PDLIM7: variants seen among roughly 807,000 people sequenced by gnomAD.
PDLIM7 encodes the protein PDZ and LIM domain 7.
Under a neutral mutation model 53.9 loss-of-function variants are expected in PDLIM7, and 37 were observed. That is an observed-to-expected ratio of 0.69 (90% CI 0.53 to 0.90). The LOEUF (loss-of-function observed/expected upper bound fraction) is 0.90. Ranked by LOEUF, PDLIM7 falls within the 40% of genes least tolerant of loss-of-function variation. PDLIM7 has a pLI of 0.00. For synonymous variants in PDLIM7, 300 were observed against 261.3 expected, an observed-to-expected ratio of 1.15 and a Z score of -1.43; for missense variants, 617 against 638.5, an observed-to-expected ratio of 0.97 and a Z score of 0.36.
chr5:177,494,299 G>A (rs772261980), intron 2 of PDLIM7, among the ~76,000 whole-genome samples: 9 of 152,170 alleles, frequency 5.9e-5, no homozygotes, highest in Non-Finnish European at 1.3e-4. Context: ...GCTGAGCATG[G>A]GGGCCCAACT....
At chr5:177,491,280 C>T in intron 5 of PDLIM7, 134 bp from the exon 6 acceptor site, 1 of 1,440,414 alleles carries the variant, frequency 6.9e-7, no homozygotes, top group Non-Finnish European at 9.5e-7. Flanking sequence ...AGGAGCCCTG[C>T]TGGGCGGGTA....
At chr5:177,493,537 A>G (rs1394063696) in intron 2 of PDLIM7, among the ~76,000 whole-genome samples, 2 of 152,196 alleles carry the variant, frequency 1.3e-5, no homozygotes, top group Non-Finnish European at 2.9e-5. Flanking sequence ...AGCGGGTGAG[A>G]GTTCACTTAC....
chr5:177,496,570 A>T, intron 1 of PDLIM7, 47 bp from the exon 2 acceptor site: 1 of 1,354,932 alleles, frequency 7.4e-7, no homozygotes, highest in Non-Finnish European at 1.0e-6. Context: ...GTGGGCGGGC[A>T]GGCAGGCAGG....
In PDLIM7 at chr5:177,490,943, ACAGGGT is replaced by A. The variant is rs748693177; in HGVS notation, c.536-43_536-38del. 5.9e-5 allele frequency: 95 copies of A among 1,613,940 alleles called. 1 individual carries two copies. Among genetic ancestry groups the A allele is most frequent in the Non-Finnish European group, 7.6e-6 (9 of 1,179,970 alleles). The stretch of plus-strand genomic sequence containing the variant: ...GAGGCAGGCATTGACCAAAAAAGAC[ACAGGGT>A]CAGGGATCACGCCTGGGCTGGGGGC... On this transcript the variant is annotated intron_variant, in intron 6 of 12. Transcript: ENST00000355841.
At chr5:177,492,364 C>CCACACCG (rs1212654432) in intron 4 of PDLIM7, 41 bp downstream of exon 4, 2 of 1,609,024 alleles carry the variant, frequency 1.2e-6, no homozygotes, top group Admixed American at 1.7e-5. Context: ...CCGTCCAAGC[C>CCACACCG]CACACCGCCC....
chr5:177,494,187 A>G (rs904946648), intron 2 of PDLIM7, among the ~76,000 whole-genome samples: 2 of 152,228 alleles, frequency 1.3e-5, no homozygotes, highest in African/African-American at 2.4e-5. Flanking sequence ...TTGCAAATGT[A>G]CACAGAGAGG....
chr5:177,492,187 C>A, intron 4 of PDLIM7: 3 of 641,402 alleles, frequency 4.7e-6, no homozygotes, highest in Non-Finnish European at 7.9e-6. Context: ...AGGCAGCAGG[C>A]GGACAGACAG....
intron 1 of PDLIM7, 165 bp from the exon 2 acceptor site, chr5:177,496,688 C>G (rs1262240546): frequency 8.8e-6 from 4 of 454,322 alleles, no homozygotes; most frequent in Non-Finnish European, 1.2e-5. Context: ...CTGGCCTGGG[C>G]TGCTGGCTGG....
chr5:177,491,632 G>A (rs1452872675), intron 5 of PDLIM7, 175 bp downstream of exon 5: 2 of 624,342 alleles, frequency 3.2e-6, no homozygotes, highest in African/African-American at 1.9e-5. Flanking sequence ...GCCCTGCAAG[G>A]CGCCACAGCC....
intron 5 of PDLIM7, 87 bp from the exon 6 acceptor site, chr5:177,491,233 G>T: frequency 6.0e-6 from 9 of 1,495,256 alleles, no homozygotes; most frequent in Non-Finnish European, 8.2e-6. Flanking sequence ...GTGGGTTTGG[G>T]TTACAGTGAT....
At chr5:177,492,220 G>C (rs1758834066) in intron 4 of PDLIM7, 185 bp downstream of exon 4, 1 of 701,940 alleles carries the variant, frequency 1.4e-6, no homozygotes, top group South Asian at 1.9e-5. Context: ...GCGGACATGC[G>C]TGGTGCCAGG....
At chr5:177,486,503 G>A (rs1758446809) in intron 10 of PDLIM7, among the ~76,000 whole-genome samples, 1 of 152,208 alleles carries the variant, frequency 6.6e-6, no homozygotes, top group African/African-American at 2.4e-5. Context: ...TCTTCTCACT[G>A]TCTGGTGTTG....
At chr5:177,492,248 G>C in intron 4 of PDLIM7, 157 bp downstream of exon 4, 1 of 876,814 alleles carries the variant, frequency 1.1e-6, no homozygotes, top group South Asian at 1.7e-5. Context: ...AGCAGCCCCT[G>C]GCTCAACTCC....
At chr5:177,495,571 C>A (rs1013162016) in intron 2 of PDLIM7, among the ~76,000 whole-genome samples, 5 of 152,242 alleles carry the variant, frequency 3.3e-5, no homozygotes, top group Non-Finnish European at 7.3e-5. Flanking sequence ...GGAGCTGCAG[C>A]CTGGTGACCA....
intron 7 of PDLIM7, chr5:177,490,262 T>C: frequency 6.9e-7 from 1 of 1,445,736 alleles, no homozygotes; most frequent in Non-Finnish European, 9.0e-7. Context: ...TGAGAATGTT[T>C]ATTCCATGCC....
chr5:177,490,418 G>A (rs1758689226), intron 7 of PDLIM7: 1 of 1,508,152 alleles, frequency 6.6e-7, no homozygotes, highest in Non-Finnish European at 8.8e-7. Flanking sequence ...GGCAGAAGCT[G>A]GAGGCACTAA....
intron 4 of PDLIM7, 52 bp downstream of exon 4, chr5:177,492,353 G>A: frequency 1.2e-6 from 2 of 1,602,172 alleles, no homozygotes; most frequent in South Asian, 2.2e-5. Flanking sequence ...AGCAGGCCTG[G>A]CCGTCCAAGC....
At position 177,492,572 on chromosome 5, in the gene PDLIM7, T is replaced by G; in HGVS notation, c.202A>C (p.Asn68His). ...AGSLTHIEAQ[N>H]KIRACGERLS... ...CGCTCCCCGCAGGCCCGGATCTTGTTCTGAGCTTCGATGTGTGTGAGGCTA... is the reference window on the plus strand; with the variant it reads ...CGCTCCCCGCAGGCCCGGATCTTGTGCTGAGCTTCGATGTGTGTGAGGCTA... The change falls in exon 3 of 13, where the codon AAC (asparagine) becomes CAC (histidine). Residue 68 changes from asparagine to histidine, a missense_variant. Asn to His is a moderately conservative substitution (Grantham distance 68). Coordinates refer to ENST00000355841, the MANE Select transcript of PDLIM7 (RefSeq NM_005451.5). The G allele has an allele frequency of 6.2e-7, 1 of 1,613,786 alleles. No individual in the cohort carries two copies. Among genetic ancestry groups the G allele is most frequent in the Middle Eastern group, 1.7e-4 (1 of 6,056 alleles).
chr5:177,490,882 A>C lies in PDLIM7; in HGVS notation c.560T>G (p.Leu187Arg), dbSNP rs755665741. The change falls in exon 7 of 13, where the codon CTG becomes CGG. Residue 187 changes from leucine to arginine, a missense_variant. By Grantham distance (102) the Leu-to-Arg change is moderately radical (BLOSUM62 -2). Coordinates refer to ENST00000355841, the MANE Select transcript of PDLIM7 (RefSeq NM_005451.5). ...EFMQDPDEEH[L>R]KKSSQVPRTE... ...CCCGTCCCTGTACCTTGATTTCTTCAGGTGCTCCTCATCCGGGTCTTGCAC... is the reference window on the plus strand; with the variant it reads ...CCCGTCCCTGTACCTTGATTTCTTCCGGTGCTCCTCATCCGGGTCTTGCAC... The C allele has an allele frequency of 6.2e-7, 1 of 1,614,062 alleles. No homozygotes were observed. The highest frequency in any genetic ancestry group is 8.5e-7 in the Non-Finnish European group (1 of 1,179,970).
Sources: gnomAD v4.1 joint callset for allele counts (sites outside exome capture counted in the v4.1 genomes callset) on GRCh38, gnomAD v4.1.1 for gene constraint, MANE v1.5 for transcripts, NCBI Gene and HGNC (gene_info 2026-07-23, HGNC 2026-07-21) for gene names.